CDKL4: variants seen among roughly 807,000 people sequenced by gnomAD.
CDKL4 encodes cyclin dependent kinase like 4.
A neutral mutation model predicts 42.0 loss-of-function variants in CDKL4; 44 were observed. The observed-to-expected ratio is 1.05, with a 90% confidence interval of 0.82 to 1.35. The LOEUF is 1.35. Among genes scored for constraint, CDKL4 ranks in the 40% most tolerant of loss-of-function variants. The pLI, the probability that CDKL4 is intolerant of heterozygous loss-of-function variation, is 0.00. For synonymous variants in CDKL4, 120 were observed against 121.6 expected (o/e 0.99, Z 0.09); for missense variants, 393 against 369.9 (o/e 1.06, Z -0.51).
rs761361219 is a variant in CDKL4, at chr2:39,185,148, G to GTA, written c.736-503_736-502dup. On this transcript the variant is annotated intron_variant, in intron 7 of 9. Transcript: ENST00000451199. ...CACACATATATATACATATATATGT[G>GTA]TATATATATACACATATGTATATAT... 8.5e-5 allele frequency among the ~76,000 whole-genome samples: 11 copies of GTA among 129,612 alleles called. 1 individual carries two copies. Among genetic ancestry groups the GTA allele is most frequent in the African/African-American group, 2.6e-4 (9 of 34,224 alleles). 85.0% of individuals were successfully genotyped at this position (129,612 alleles called of 152,430 possible). A position where few individuals can be genotyped will look rare whatever the true frequency, so the allele number is the denominator to read the frequency against.
intron 9 of CDKL4, among the ~76,000 whole-genome samples, chr2:39,177,278 G>A (rs1675204731): frequency 6.6e-6 from 1 of 152,072 alleles, no homozygotes; most frequent in South Asian, 2.1e-4. Context: ...CAACCCCGTC[G>A]AGGCGAGGCA....
the CDKL4 span, among the ~76,000 whole-genome samples, chr2:39,169,100 C>A: frequency 6.6e-6 from 1 of 152,154 alleles, no homozygotes; most frequent in African/African-American, 2.4e-5. Flanking sequence ...TCAGATATAT[C>A]TGTAAAATTT....
At position 39,185,404 on chromosome 2, in the gene CDKL4, G is replaced by A. The variant is rs7588671; in HGVS notation, c.736-757C>T. Among the ~76,000 whole-genome samples the A allele has an allele frequency of 7.9e-3, 29 of 3,652 alleles. 9 individuals are homozygous for A. The highest frequency in any genetic ancestry group is 0.014 in the African/African-American group (28 of 1,944). 2.4% of individuals were successfully genotyped at this position (3,652 alleles called of 152,430 possible). A position where few individuals can be genotyped will look rare whatever the true frequency, so the allele number is the denominator to read the frequency against. ...TATATATACATGTATATATACATATGTGTATATATACATATATATATACAT... is the reference window on the plus strand; with the variant it reads ...TATATATACATGTATATATACATATATGTATATATACATATATATATACAT... On this transcript the variant is annotated intron_variant, in intron 7 of 9. Transcript: ENST00000451199.
chr2:39,172,826 C>T (rs918887915), downstream of CDKL4, among the ~76,000 whole-genome samples: 1 of 152,170 alleles, frequency 6.6e-6, no homozygotes, highest in African/African-American at 2.4e-5. Flanking sequence ...AGGTGATCCG[C>T]CTGCCTTGGC....
chr2:39,185,444 G>GTGTA lies in CDKL4; in HGVS notation c.736-798_736-797insTACA, dbSNP rs1675771865. Among the ~76,000 whole-genome samples the GTGTA allele has an allele frequency of 3.8e-4, 3 of 7,976 alleles. 1 individual carries two copies. The highest frequency in any genetic ancestry group is 7.2e-4 in the African/African-American group (3 of 4,194). The allele number at this position is 7,976 out of a possible 152,430, so 5.2% of individuals were successfully genotyped here. The stretch of plus-strand genomic sequence containing the variant: ...TATATATACATATGTATATATACAT[G>GTGTA]TATATATACATATGTGTATATATAT... On this transcript the variant is annotated intron_variant, in intron 7 of 9. Coordinates refer to ENST00000451199, the Ensembl canonical transcript of CDKL4.
chr2:39,208,183 A>C (rs941323935), intron 4 of CDKL4, among the ~76,000 whole-genome samples: 1 of 151,916 alleles, frequency 6.6e-6, no homozygotes, highest in African/African-American at 2.4e-5. Flanking sequence ...TGGGGGGAAG[A>C]AGATGCTTAG....
chr2:39,236,874 A>G (rs1438276558), intron 1 of CDKL4, among the ~76,000 whole-genome samples: 7 of 152,240 alleles, frequency 4.6e-5, no homozygotes, highest in Non-Finnish European at 1.0e-4. Context: ...CATAACAAGT[A>G]AATAAATTCA....
At chr2:39,205,150 T>C (rs1370684355) in intron 4 of CDKL4, among the ~76,000 whole-genome samples, 1 of 152,086 alleles carries the variant, frequency 6.6e-6, no homozygotes, top group Non-Finnish European at 1.5e-5. Flanking sequence ...GCACAGAGCC[T>C]GAGCAACTGA....
At chr2:39,178,715 C>A in intron 9 of CDKL4, 1 of 1,609,210 alleles carries the variant, frequency 6.2e-7, no homozygotes, top group Non-Finnish European at 8.5e-7. Flanking sequence ...CCTGGCAGAT[C>A]TTGGTTTTGA....
intron 7 of CDKL4, among the ~76,000 whole-genome samples, chr2:39,186,588 G>C (rs180806906): frequency 6.6e-6 from 1 of 152,188 alleles, no homozygotes; most frequent in Admixed American, 6.5e-5. Flanking sequence ...TAAAGGCAAA[G>C]ACCATTGCAA....
upstream of CDKL4, among the ~76,000 whole-genome samples, chr2:39,247,019 A>G (rs1679940695): frequency 6.6e-6 from 1 of 152,196 alleles, no homozygotes. Context: ...TTGGGATTAG[A>G]GATTTGAGCC....
chr2:39,190,964 A>G (rs979325847), intron 5 of CDKL4, among the ~76,000 whole-genome samples: 18 of 152,194 alleles, frequency 1.2e-4, no homozygotes, highest in Non-Finnish European at 1.6e-4. Flanking sequence ...GTCATATTAG[A>G]TTAGGGTGGA....
chr2:39,170,325 G>C, the CDKL4 span, among the ~76,000 whole-genome samples: 1 of 137,646 alleles, frequency 7.3e-6, no homozygotes, highest in Admixed American at 7.5e-5. Flanking sequence ...GAAAAGAAAA[G>C]AAAAGATAAA....
chr2:39,233,114 C>T (rs569499368), intron 1 of CDKL4, among the ~76,000 whole-genome samples: 1 of 148,574 alleles, frequency 6.7e-6, no homozygotes. Context: ...GAGGGGTTAT[C>T]TCTTGAGCTC....
At chr2:39,234,799 C>T (rs1679277413) in intron 1 of CDKL4, among the ~76,000 whole-genome samples, 1 of 152,122 alleles carries the variant, frequency 6.6e-6, no homozygotes, top group South Asian at 2.1e-4. Flanking sequence ...GCAGCAGCAT[C>T]TTAAACTCAA....
At chr2:39,198,903 A>T (rs1013363804) in intron 5 of CDKL4, among the ~76,000 whole-genome samples, 1 of 152,124 alleles carries the variant, frequency 6.6e-6, no homozygotes, top group African/African-American at 2.4e-5. Flanking sequence ...ACAAATAGAC[A>T]ATCTAAGGTC....
At position 39,187,778 on chromosome 2, in the gene CDKL4, T is replaced by C; in HGVS notation, c.653-69A>G. 6.8e-6 allele frequency: 7 copies of C among 1,030,676 alleles called. No homozygotes were observed. The South Asian group carries it at 8.2e-5, about 12-fold the overall frequency. The allele number at this position is 1,030,676 out of a possible 1,614,324, so 63.8% of individuals were successfully genotyped here. A position where few individuals can be genotyped will look rare whatever the true frequency, so the allele number is the denominator to read the frequency against. On this transcript the variant is annotated intron_variant, in intron 6 of 9. Transcript: ENST00000451199. Reference sequence around the variant, plus strand: ...AATAATCAAGTGTTTAAATGGTTAATGCCTGAAGGCCAGGCATGGTGGCTC... The same window carrying C: ...AATAATCAAGTGTTTAAATGGTTAACGCCTGAAGGCCAGGCATGGTGGCTC...
intron 9 of CDKL4, among the ~76,000 whole-genome samples, chr2:39,176,748 C>A (rs898177872): frequency 2.6e-5 from 4 of 152,180 alleles, no homozygotes; most frequent in African/African-American, 9.7e-5. Flanking sequence ...TTTTGAATAG[C>A]TAGAATATTG....
intron 3 of CDKL4, 83 bp downstream of exon 3, chr2:39,225,756 G>T: frequency 7.3e-7 from 1 of 1,362,954 alleles, no homozygotes. Context: ...TTGTGGCTGG[G>T]ATTTGAAATT....
Sources: allele counts gnomAD v4.1 joint callset (sites outside exome capture counted in the v4.1 genomes callset), GRCh38; gene constraint gnomAD v4.1.1; transcripts MANE v1.5; gene names NCBI Gene and HGNC (gene_info 2026-07-23, HGNC 2026-07-21).